The following TIGIT variants were observed in gnomAD, a reference collection of about 807,000 sequenced individuals.
The protein encoded by TIGIT is T cell immunoreceptor with Ig and ITIM domains.
In TIGIT, 11 loss-of-function variants were observed where a neutral mutation model predicts 19.6. The observed-to-expected ratio is 0.56, with a 90% CI of 0.35 to 0.93. The LOEUF (loss-of-function observed/expected upper bound fraction) is 0.93, where lower values mean the gene tolerates loss of function less well. Among genes scored for constraint, TIGIT ranks in the 40% least tolerant of loss-of-function variants. TIGIT has a pLI of 0.01. For missense variants in TIGIT, 295 were observed against 303.9 expected (o/e 0.97, Z 0.22); for synonymous variants, 130 against 125.5 (o/e 1.04, Z -0.24).
chr3:114,301,576 G>T (rs1022811900), intron 3 of TIGIT, among the ~76,000 whole-genome samples: 7 of 152,222 alleles, frequency 4.6e-5, no homozygotes, highest in Admixed American at 3.9e-4. Flanking sequence ...TGGAATAAAA[G>T]AATCAAAGGC....
In TIGIT at chr3:114,307,892, T is replaced by C. The variant is rs116116052; in HGVS notation, c.499-3T>C. 1 of 1,613,528 alleles carries C rather than the reference T, an allele frequency of 6.2e-7. No individual in the cohort carries two copies. The highest frequency in any genetic ancestry group is 8.5e-7 in the Non-Finnish European group (1 of 1,179,466). ...ACTCACTTTGTAGTTTGTTTGTTTTTAGAAGAAAGCCCTCAGAATCCATTC... is the reference window on the plus strand; with the variant it reads ...ACTCACTTTGTAGTTTGTTTGTTTTCAGAAGAAAGCCCTCAGAATCCATTC... On this transcript the variant is annotated splice_region_variant and splice_polypyrimidine_tract_variant and intron_variant, in intron 3 of 3. Coordinates refer to ENST00000383671, the MANE Select transcript of TIGIT (RefSeq NM_173799.4).
At chr3:114,303,182 T>C (rs1365253300) in intron 3 of TIGIT, among the ~76,000 whole-genome samples, 3 of 152,068 alleles carry the variant, frequency 2.0e-5, no homozygotes, top group Non-Finnish European at 2.9e-5. Flanking sequence ...ATAAGTCCTT[T>C]AGTGGTGATT....
intron 2 of TIGIT, among the ~76,000 whole-genome samples, chr3:114,297,214 G>C (rs1292630260): frequency 6.6e-6 from 1 of 152,122 alleles, no homozygotes; most frequent in Non-Finnish European, 1.5e-5. Context: ...TAAGAGTTGA[G>C]GCTCTGGAAT....
At chr3:114,303,168 G>A (rs1028757402) in intron 3 of TIGIT, among the ~76,000 whole-genome samples, 28 of 149,962 alleles carry the variant, frequency 1.9e-4, no homozygotes, top group African/African-American at 6.4e-4. Context: ...TAGGTTTTTG[G>A]GGAATAAGTC....
intron 3 of TIGIT, among the ~76,000 whole-genome samples, chr3:114,305,878 A>G (rs1025448488): frequency 6.6e-6 from 1 of 151,402 alleles, no homozygotes; most frequent in African/African-American, 2.4e-5. Context: ...AGATAGATAG[A>G]TAGATAGATA....
At chr3:114,298,585 T>G (rs1215315900) in intron 2 of TIGIT, among the ~76,000 whole-genome samples, 1 of 152,220 alleles carries the variant, frequency 6.6e-6, no homozygotes, top group Non-Finnish European at 1.5e-5. Context: ...CCATCTGTCC[T>G]CTTTACTCCA....
intron 3 of TIGIT, among the ~76,000 whole-genome samples, chr3:114,301,255 TA>T (rs2078490357): frequency 6.6e-6 from 1 of 152,234 alleles, no homozygotes; most frequent in South Asian, 2.1e-4. Context: ...CCTGAGATCC[TA>T]ACCCACTTTT....
chr3:114,294,412 G>A (rs1313495603), intron 1 of TIGIT, among the ~76,000 whole-genome samples: 1 of 152,190 alleles, frequency 6.6e-6, no homozygotes, highest in Non-Finnish European at 1.5e-5. Context: ...GGCTGGGCAG[G>A]AGGCATTGCC....
At chr3:114,296,051 A>C (rs1396022426) in intron 2 of TIGIT, 177 bp downstream of exon 2, 4 of 582,950 alleles carry the variant, frequency 6.9e-6, no homozygotes, top group African/African-American at 1.9e-5. Context: ...AGAATCCCTA[A>C]TAGCAGAGCT....
rs1576145324 is a variant in TIGIT at position 114,308,145 on chromosome 3, C to T, written c.*14C>T. The T allele has an allele frequency of 3.1e-6, 5 of 1,606,732 alleles. No homozygotes were observed. In the East Asian group the frequency reaches 1.1e-4, roughly 36 times the overall value. ...GAGACTGGTTAGCAACCAGAGGCATCTTCTGGAAGATACACTTTTGTCTTT... is the reference window on the plus strand; with the variant it reads ...GAGACTGGTTAGCAACCAGAGGCATTTTCTGGAAGATACACTTTTGTCTTT... On this transcript the variant is annotated 3_prime_UTR_variant, in exon 4 of 4. Coordinates refer to ENST00000383671, the MANE Select transcript of TIGIT (RefSeq NM_173799.4).
intron 3 of TIGIT, among the ~76,000 whole-genome samples, chr3:114,303,630 T>TATATATACATATATATGTATATATATAC (rs1281900522): frequency 8.6e-6 from 1 of 115,892 alleles, no homozygotes; most frequent in African/African-American, 3.2e-5. Flanking sequence ...TGTATATATA[T>TATATATACATATATATGTATATATATAC]ACACACACAC....
chr3:114,304,545 C>T (rs1322422160), intron 3 of TIGIT, among the ~76,000 whole-genome samples: 9 of 152,144 alleles, frequency 5.9e-5, no homozygotes, highest in Non-Finnish European at 1.3e-4. Context: ...TTATGTTCTA[C>T]CCCCTACCAC....
At chr3:114,300,101 C>A (rs760881200) in intron 3 of TIGIT, among the ~76,000 whole-genome samples, 8 of 152,138 alleles carry the variant, frequency 5.3e-5, no homozygotes, top group Non-Finnish European at 1.5e-5. Flanking sequence ...CTAGGTTACC[C>A]AGCATGTCTG....
At chr3:114,306,011 G>A (rs142163256) in intron 3 of TIGIT, among the ~76,000 whole-genome samples, 334 of 152,198 alleles carry the variant, frequency 2.2e-3, no homozygotes, top group African/African-American at 6.4e-3. Context: ...TGGTAGCATG[G>A]CTCAGTTCAA....
chr3:114,295,552 G>A lies in TIGIT; in HGVS notation c.69G>A (p.Met23Ile). The A allele has an allele frequency of 6.2e-7, 1 of 1,612,730 alleles. No individual in the cohort carries two copies. The highest frequency in any genetic ancestry group is 8.5e-7 in the Non-Finnish European group (1 of 1,179,114). The part of the protein sequence containing the change: ...LRQAPLASGM[M>I]TGTIETTGNI... ...CTTCGTCCTCTTCCCTAGGAATGAT[G>A]ACAGGCACAATAGAAACAACGGGGA... The change falls in exon 2 of 4, where the codon ATG (methionine) becomes ATA (isoleucine). Residue 23 changes from methionine (M) to isoleucine (I), a missense_variant. Coordinates refer to ENST00000383671, the MANE Select transcript of TIGIT (RefSeq NM_173799.4).
At chr3:114,301,779 C>T (rs2078494184) in intron 3 of TIGIT, among the ~76,000 whole-genome samples, 1 of 152,184 alleles carries the variant, frequency 6.6e-6, no homozygotes, top group South Asian at 2.1e-4. Flanking sequence ...CCACTGCTTC[C>T]TGTGTAGTGT....
At chr3:114,299,826 CT>C in intron 3 of TIGIT, 123 bp downstream of exon 3, 15 of 638,168 alleles carry the variant, frequency 2.4e-5, no homozygotes, top group East Asian at 5.6e-5. Context: ...CTCTTTGTGC[CT>C]TTTTCCTGGC....
chr3:114,299,012 A>AT (rs1252779493), intron 2 of TIGIT, among the ~76,000 whole-genome samples: 5 of 152,214 alleles, frequency 3.3e-5, no homozygotes, highest in African/African-American at 1.2e-4. Context: ...GATTTCACTT[A>AT]TGCCACAAAT....
rs938517138 is a variant in TIGIT at position 114,294,070 on chromosome 3, G to A, written c.9G>A (p.Trp3Ter). The change falls in exon 1 of 4, where the codon TGG becomes TGA. Residue 3 changes from tryptophan (W) to a stop codon, truncating the protein, a stop_gained. Coordinates refer to ENST00000383671, the MANE Select transcript of TIGIT (RefSeq NM_173799.4). LOFTEE classifies it high-confidence loss of function. Reference sequence around the variant, plus strand: ...GCCCTCTGGGCAGAAGCATGCGCTGGTGTCTCCTCCTGATCTGGGCCCAGG... The same window carrying A: ...GCCCTCTGGGCAGAAGCATGCGCTGATGTCTCCTCCTGATCTGGGCCCAGG... MR[W>*]CLLLIWAQGL... is the part of the protein sequence containing the mutation. 3 of 1,552,950 alleles carry A rather than the reference G, an allele frequency of 1.9e-6. No homozygotes were observed. Among genetic ancestry groups the A allele is most frequent in the Non-Finnish European group, 2.6e-6 (3 of 1,147,494 alleles).
Sources: allele counts gnomAD v4.1 joint callset (sites outside exome capture counted in the v4.1 genomes callset), GRCh38; gene constraint gnomAD v4.1.1; transcripts MANE v1.5; gene names NCBI Gene and HGNC (gene_info 2026-07-23, HGNC 2026-07-21).